Variants in LRRC4C observed in about 807,000 individuals in gnomAD.
The protein encoded by LRRC4C is leucine-rich repeat-containing protein 4C.
Under a neutral mutation model 33.6 loss-of-function variants are expected in LRRC4C, and 5 were observed. That is an observed-to-expected ratio of 0.15 (90% CI 0.08 to 0.31). LRRC4C has a LOEUF of 0.31. LRRC4C is among the 10% of genes least tolerant of loss of function. LRRC4C has a pLI of 1.00. For missense variants in LRRC4C, 560 were observed against 796.7 expected, an observed-to-expected ratio of 0.70 and a Z score of 3.58; for synonymous variants, 329 against 302.0, an observed-to-expected ratio of 1.09 and a Z score of -0.93.
At chr11:40,632,167 G>GT (rs1411108822) in intron 3 of LRRC4C, among the ~76,000 whole-genome samples, 1 of 152,150 alleles carries the variant, frequency 6.6e-6, no homozygotes, top group Non-Finnish European at 1.5e-5. Flanking sequence ...ATCGGATTGT[G>GT]TTAAACAAAA....
chr11:40,325,122 C>T (rs940497915), intron 3 of LRRC4C, among the ~76,000 whole-genome samples: 2 of 152,154 alleles, frequency 1.3e-5, no homozygotes, highest in Non-Finnish European at 2.9e-5. Flanking sequence ...GAAATTTGGG[C>T]TTAAACCTGA....
intron 2 of LRRC4C, among the ~76,000 whole-genome samples, chr11:40,862,902 A>C (rs1954172619): frequency 6.6e-6 from 1 of 152,216 alleles, no homozygotes; most frequent in Non-Finnish European, 1.5e-5. Context: ...GTTCAGCTTC[A>C]CACATGGAGG....
chr11:40,525,317 A>G (rs1955998114), intron 3 of LRRC4C, among the ~76,000 whole-genome samples: 1 of 152,040 alleles, frequency 6.6e-6, no homozygotes, highest in Non-Finnish European at 1.5e-5. Context: ...GTGGTGCCAC[A>G]CGCCTGTAGT....
intron 1 of LRRC4C, among the ~76,000 whole-genome samples, chr11:41,295,916 C>A (rs536741486): frequency 6.6e-6 from 1 of 152,154 alleles, no homozygotes; most frequent in Admixed American, 6.5e-5. Context: ...AGAGGTGACA[C>A]GATAAGAAAT....
In LRRC4C at chr11:40,162,967, T is replaced by A. The variant is rs572283673; in HGVS notation, c.-95-22114A>T. On this transcript the variant is annotated intron_variant, in intron 5 of 6. Transcript: ENST00000528697. ...CATCTCACCTCATCTATAAGCTTCATTATCCCTCTAACCACCTCTACTACA... is the reference window on the plus strand; with the variant it reads ...CATCTCACCTCATCTATAAGCTTCAATATCCCTCTAACCACCTCTACTACA... Among the ~76,000 whole-genome samples the A allele has an allele frequency of 1.2e-4, 19 of 152,328 alleles. No homozygotes were observed. In the South Asian group the frequency reaches 3.5e-3, roughly 28 times the overall value.
chr11:41,362,467 G>C (rs1256281964), intron 1 of LRRC4C, among the ~76,000 whole-genome samples: 1 of 152,026 alleles, frequency 6.6e-6, no homozygotes, highest in Non-Finnish European at 1.5e-5. Context: ...CTCTCTTTTT[G>C]ATGATACCTA....
intron 3 of LRRC4C, among the ~76,000 whole-genome samples, chr11:40,338,403 G>A (rs1332949237): frequency 6.6e-6 from 1 of 152,222 alleles, no homozygotes; most frequent in Non-Finnish European, 1.5e-5. Context: ...AATATTTGGA[G>A]TATTTATCAA....
intron 5 of LRRC4C, among the ~76,000 whole-genome samples, chr11:40,165,361 A>G (rs2135387718): frequency 6.6e-6 from 1 of 152,238 alleles, no homozygotes; most frequent in East Asian, 1.9e-4. Context: ...GTGTGCATCT[A>G]TATGAGTGGC....
intron 1 of LRRC4C, among the ~76,000 whole-genome samples, chr11:41,224,191 G>A (rs1947426923): frequency 6.6e-6 from 1 of 152,242 alleles, no homozygotes; most frequent in East Asian, 1.9e-4. Flanking sequence ...CGTGGAAAAA[G>A]CCACGTTTAG....
intron 2 of LRRC4C, among the ~76,000 whole-genome samples, chr11:40,747,477 A>G (rs1948485534): frequency 6.6e-6 from 1 of 152,200 alleles, no homozygotes; most frequent in Admixed American, 6.5e-5. Flanking sequence ...ATATATAAAC[A>G]TAAAGACACC....
chr11:40,859,899 A>T (rs1467261424), intron 2 of LRRC4C, among the ~76,000 whole-genome samples: 1 of 151,924 alleles, frequency 6.6e-6, no homozygotes, highest in Non-Finnish European at 1.5e-5. Flanking sequence ...ACACGGTGAA[A>T]CCCCATCTCT....
chr11:40,996,116 T>A (rs2137312235), intron 1 of LRRC4C, among the ~76,000 whole-genome samples: 1 of 152,272 alleles, frequency 6.6e-6, no homozygotes, highest in South Asian at 2.1e-4. Flanking sequence ...ATACAGGCAA[T>A]GCTGTTGTTA....
At chr11:40,756,874 C>T (rs1417039364) in intron 2 of LRRC4C, among the ~76,000 whole-genome samples, 1 of 151,872 alleles carries the variant, frequency 6.6e-6, no homozygotes, top group Non-Finnish European at 1.5e-5. Flanking sequence ...TAGCTTCATC[C>T]CATTTCTTTC....
At chr11:41,118,589 G>A (rs769136258) in intron 1 of LRRC4C, among the ~76,000 whole-genome samples, 4 of 152,022 alleles carry the variant, frequency 2.6e-5, no homozygotes, top group Non-Finnish European at 5.9e-5. Flanking sequence ...CAATTCATTC[G>A]TTTCTCAATT....
At chr11:40,696,180 T>A (rs1273726320) in intron 2 of LRRC4C, among the ~76,000 whole-genome samples, 1 of 148,034 alleles carries the variant, frequency 6.8e-6, no homozygotes, top group African/African-American at 2.5e-5. Context: ...CAAAATTCTA[T>A]CATTTGCTAC....
At chr11:40,988,254 C>T (rs536101843) in intron 1 of LRRC4C, among the ~76,000 whole-genome samples, 2 of 152,298 alleles carry the variant, frequency 1.3e-5, no homozygotes, top group South Asian at 2.1e-4. Context: ...CTCCCACGGT[C>T]CCAGCTCCAC....
chr11:41,427,992 A>G (rs902387557), intron 1 of LRRC4C, among the ~76,000 whole-genome samples: 3 of 151,816 alleles, frequency 2.0e-5, no homozygotes, highest in African/African-American at 7.3e-5. Context: ...CAAATCCTAT[A>G]AAACAACCCC....
intron 3 of LRRC4C, among the ~76,000 whole-genome samples, chr11:40,326,191 C>T (rs926683618): frequency 1.3e-5 from 2 of 152,070 alleles, no homozygotes; most frequent in African/African-American, 2.4e-5. Context: ...CAGTGACTTA[C>T]TTCAGTATAA....
At chr11:40,840,054 A>C (rs1449169835) in intron 2 of LRRC4C, among the ~76,000 whole-genome samples, 1 of 152,192 alleles carries the variant, frequency 6.6e-6, no homozygotes, top group African/African-American at 2.4e-5. Context: ...CACAGAAACT[A>C]ACTTGAATTT....
Sources: gnomAD v4.1 joint callset for allele counts (sites outside exome capture counted in the v4.1 genomes callset) on GRCh38, gnomAD v4.1.1 for gene constraint, MANE v1.5 for transcripts, NCBI Gene and HGNC (gene_info 2026-07-23, HGNC 2026-07-21) for gene names.